ADCY7: variants seen among roughly 807,000 people sequenced by gnomAD.
ADCY7 encodes adenylate cyclase 7.
Under a neutral mutation model 120.6 loss-of-function variants are expected in ADCY7, and 72 were observed. The ratio of observed to expected loss-of-function variants is 0.60; its 90% CI spans 0.49 to 0.73. The LOEUF is 0.73. Ranked by LOEUF, ADCY7 falls within the 30% of genes least tolerant of loss-of-function variation. The probability of loss-of-function intolerance (pLI) is 0.00; values close to 1 mark genes in which losing one functional copy is unlikely to be tolerated. For missense variants in ADCY7, 1,227 were observed against 1,486.0 expected (o/e 0.83, Z 2.87); for synonymous variants, 661 against 628.0 (o/e 1.05, Z -0.78).
Position 50,304,430 on chromosome 16 carries a change from C to T in ADCY7, c.1439C>T (p.Ala480Val), listed in dbSNP as rs61731915. ...GGGGACGCGGCCCTGAAGATGCGGG[C>T]GTCAGTGCGCATGACCCGGTACCTC... is the stretch of plus-strand genomic sequence containing the variant. Reference protein sequence around the residue: ...PKGDAALKMRASVRMTRYLES... With the variant: ...PKGDAALKMRVSVRMTRYLES... Residue 480 changes from alanine to valine, a missense_variant, in exon 11 of 26, where the codon GCG (alanine) becomes GTG (valine). Ala to Val is a moderately conservative substitution (Grantham distance 64). Around this residue, in one of 5 missense-constraint regions of ADCY7, gnomAD observed 332 missense variants for 455.8 expected, o/e 0.73. Transcript: ENST00000673801. The T allele has an allele frequency of 4.4e-3, 7,051 of 1,605,442 alleles. 39 individuals carry two copies. The highest frequency in any genetic ancestry group is 0.014 in the Middle Eastern group (87 of 6,012).
intron 1 of ADCY7, among the ~76,000 whole-genome samples, chr16:50,251,311 T>C (rs2032750491): frequency 6.6e-6 from 1 of 152,202 alleles, no homozygotes; most frequent in Admixed American, 6.5e-5. Flanking sequence ...TGACATTACT[T>C]CCCGGTACTT....
chr16:50,300,634 C>T, intron 8 of ADCY7, 81 bp from the exon 9 acceptor site: 1 of 1,505,960 alleles, frequency 6.6e-7, no homozygotes, highest in Non-Finnish European at 8.9e-7. Context: ...ACATGCTGCC[C>T]TGTACCCACC....
Position 50,312,313 on chromosome 16 carries a change from G to A in ADCY7, c.2604+122G>A, listed in dbSNP as rs1331690912. ...GGCTTCCTCAGGTCCTGGCCTCACC[G>A]GGATGCCCAGGCGACAATGTATGGC... is the stretch of plus-strand genomic sequence containing the variant. On this transcript the variant is annotated intron_variant, in intron 21 of 25. Transcript: ENST00000673801. 65 of 1,094,160 alleles carry A rather than the reference G, an allele frequency of 5.9e-5. No individual in the cohort carries two copies. The East Asian group carries it at 1.3e-3, about 21-fold the overall frequency. The allele number at this position is 1,094,160 out of a possible 1,614,324, so 67.8% of individuals were successfully genotyped here.
At chr16:50,267,079 A>G (rs1019643309) in intron 1 of ADCY7, among the ~76,000 whole-genome samples, 1 of 152,202 alleles carries the variant, frequency 6.6e-6, no homozygotes, top group Non-Finnish European at 1.5e-5. Flanking sequence ...TTGGCAAGGG[A>G]AGGCCAATTC....
In ADCY7 at chr16:50,313,123, T is replaced by C. The variant is rs2036576510; in HGVS notation, c.2751+87T>C. On this transcript the variant is annotated intron_variant, in intron 22 of 25. Transcript: ENST00000673801. ...TGGCACCTGCCATCCTAAAACCCAA[T>C]TTAAAAATGTGACACAGAGCTGGGC... The C allele has an allele frequency of 1.9e-6, 3 of 1,550,652 alleles. No individual in the cohort carries two copies. The Admixed American group carries it at 5.4e-5, about 28-fold the overall frequency.
At chr16:50,279,019 G>A (rs140684680) in intron 1 of ADCY7, among the ~76,000 whole-genome samples, 280 of 152,148 alleles carry the variant, frequency 1.8e-3, no homozygotes, top group Non-Finnish European at 3.3e-3. Context: ...CTATAGGCAC[G>A]CACCACCACC....
Position 50,314,426 on chromosome 16 carries a change from C to G in ADCY7, c.2971+20C>G, listed in dbSNP as rs373461661. On this transcript the variant is annotated intron_variant, in intron 24 of 25. Coordinates refer to ENST00000673801, the MANE Select transcript of ADCY7 (RefSeq NM_001114.5). ...GCGTCGGTGAGCCCGGGTGATGGAGCGGGGTGGGGAGCCCCTGCCTCTAGG... is the reference window on the plus strand; with the variant it reads ...GCGTCGGTGAGCCCGGGTGATGGAGGGGGGTGGGGAGCCCCTGCCTCTAGG... The G allele has an allele frequency of 6.3e-7, 1 of 1,599,396 alleles. No homozygotes were observed. Among genetic ancestry groups the G allele is most frequent in the Non-Finnish European group, 8.5e-7 (1 of 1,170,506 alleles).
At position 50,292,702 on chromosome 16, in the gene ADCY7, G is replaced by A. The variant is rs1450741073; in HGVS notation, c.564G>A (p.Leu188=). The A allele has an allele frequency of 6.2e-7, 1 of 1,613,938 alleles. No individual in the cohort carries two copies. The highest frequency in any genetic ancestry group is 8.5e-7 in the Non-Finnish European group (1 of 1,179,974). Residue 188 remains leucine, a synonymous_variant, in exon 5 of 26, where the codon CTG becomes CTA. Transcript: ENST00000673801. ...LQLLANAVIF[L]CGNLTGAFHK... is the part of the protein sequence containing the mutation. ...TGCTGGCCAACGCAGTCATCTTCCT[G>A]TGTGGGAACCTGACAGGCGCCTTCC...
chr16:50,281,353 G>A (rs1056625963), intron 1 of ADCY7, among the ~76,000 whole-genome samples: 7 of 151,906 alleles, frequency 4.6e-5, no homozygotes, highest in African/African-American at 1.7e-4. Context: ...CAGAGGCCAA[G>A]CGTAGCTGGG....
chr16:50,288,426 C>T (rs2150947111), intron 2 of ADCY7, 76 bp downstream of exon 2: 1 of 1,347,538 alleles, frequency 7.4e-7, no homozygotes, highest in Non-Finnish European at 9.9e-7. Flanking sequence ...TTAGCCTCTT[C>T]TGTAAAATGC....
At chr16:50,278,591 C>T (rs8061808) in intron 1 of ADCY7, among the ~76,000 whole-genome samples, 69,236 of 152,002 alleles carry the variant, frequency 0.46, 16,548 homozygotes, top group East Asian at 0.68. Context: ...TTATCAGTCT[C>T]TTCTTTATGG....
intron 8 of ADCY7, 64 bp from the exon 9 acceptor site, chr16:50,300,651 C>G: frequency 6.5e-7 from 1 of 1,534,660 alleles, no homozygotes; most frequent in Admixed American, 2.0e-5. Flanking sequence ...CACCCCACAC[C>G]TGGGAGCTTC....
chr16:50,311,984 C>T (rs2036511417), intron 20 of ADCY7, 52 bp from the exon 21 acceptor site: 1 of 1,607,550 alleles, frequency 6.2e-7, no homozygotes, highest in Non-Finnish European at 8.5e-7. Flanking sequence ...TGCACAGCAG[C>T]ACGGCTCCCA....
Position 50,314,018 on chromosome 16 carries a change from A to T in ADCY7, c.2812A>T (p.Met938Leu). The change falls in exon 23 of 26, where the codon ATG becomes TTG. Residue 938 changes from methionine (M) to leucine (L), a missense_variant. Physicochemically the swap from Met to Leu is conservative, Grantham distance 15 (BLOSUM62 2). Transcript: ENST00000673801. Reference sequence around the variant, plus strand: ...GATCAAGACCATCGGCAGCACGTACATGGCAGCTGCAGGGCTCAGCGTCGC... The same window carrying T: ...GATCAAGACCATCGGCAGCACGTACTTGGCAGCTGCAGGGCTCAGCGTCGC... ...EKIKTIGSTY[M>L]AAAGLSVASG... 6.2e-7 allele frequency: 1 copy of T among 1,614,174 alleles called. No individual in the cohort carries two copies. The highest frequency in any genetic ancestry group is 8.5e-7 in the Non-Finnish European group (1 of 1,180,002).
At chr16:50,305,896 G>T in intron 14 of ADCY7, 47 bp downstream of exon 14, 1 of 1,590,136 alleles carries the variant, frequency 6.3e-7, no homozygotes, top group Admixed American at 1.7e-5. Context: ...GGGTCTCCAG[G>T]CCTGGGGTAG....
chr16:50,305,451 G>A, intron 12 of ADCY7, 52 bp from the exon 13 acceptor site: 1 of 1,520,194 alleles, frequency 6.6e-7, no homozygotes. Flanking sequence ...CCTCCTCTGG[G>A]AGAGTTGGAG....
chr16:50,299,896 G>T (rs1221219724), intron 8 of ADCY7, among the ~76,000 whole-genome samples: 1 of 152,126 alleles, frequency 6.6e-6, no homozygotes, highest in Non-Finnish European at 1.5e-5. Context: ...GGCGTCCCCT[G>T]TGCCCCAAGG....
At chr16:50,294,842 T>C (rs2035240890) in intron 7 of ADCY7, 91 bp downstream of exon 7, 2 of 876,488 alleles carry the variant, frequency 2.3e-6, no homozygotes, top group African/African-American at 3.3e-5. Flanking sequence ...CCTGCTGGAA[T>C]TGGGATGGGG....
chr16:50,298,074 C>G (rs1364111653), intron 7 of ADCY7, among the ~76,000 whole-genome samples: 1 of 151,956 alleles, frequency 6.6e-6, no homozygotes, highest in Non-Finnish European at 1.5e-5. Context: ...CCTATGAGTC[C>G]CCACCCTCGC....
Sources: gnomAD v4.1 joint callset for allele counts (sites outside exome capture counted in the v4.1 genomes callset) on GRCh38, gnomAD v4.1.1 for gene constraint, gnomAD v4.1.1 regional missense constraint, MANE v1.5 for transcripts, NCBI Gene and HGNC (gene_info 2026-07-23, HGNC 2026-07-21) for gene names.